Variants in KCTD1 observed in about 807,000 individuals in gnomAD.
KCTD1 encodes the protein potassium channel tetramerization domain containing 1, also known as BTB/POZ domain-containing protein KCTD1.
KCTD1 carries 24 observed loss-of-function variants against 66.0 expected under a neutral mutation model. The observed-to-expected ratio is 0.36, with a 90% CI of 0.26 to 0.51. The LOEUF (loss-of-function observed/expected upper bound fraction) is 0.51. Among genes scored for constraint, KCTD1 ranks in the 20% least tolerant of loss-of-function variants. The pLI is 0.95. For synonymous variants in KCTD1, 511 were observed against 517.2 expected, an observed-to-expected ratio of 0.99 and a Z score of 0.16; for missense variants, 943 against 1,205.2, an observed-to-expected ratio of 0.78 and a Z score of 3.22.
At chr18:26,543,678 G>A (rs536299516) in intron 1 of KCTD1, 1 of 152,292 alleles carries the variant, frequency 6.6e-6, no homozygotes, top group East Asian at 1.9e-4. Flanking sequence ...ATGTGTACCA[G>A]CCCCCAAAAT....
upstream of KCTD1, among the ~76,000 whole-genome samples, chr18:26,643,830 C>T (rs544431478): frequency 3.6e-3 from 554 of 152,196 alleles, 6 homozygotes; most frequent in African/African-American, 0.011. Context: ...GGCTTGGTGG[C>T]GGGTGCCTGT....
At chr18:26,585,393 T>C (rs2144932220) in intron 1 of KCTD1, among the ~76,000 whole-genome samples, 1 of 152,398 alleles carries the variant, frequency 6.6e-6, no homozygotes, top group South Asian at 2.1e-4. Context: ...TTGCAATACA[T>C]TCTAGAGTCA....
At chr18:26,481,297 T>G (rs1352744826) in intron 2 of KCTD1, among the ~76,000 whole-genome samples, 2 of 152,042 alleles carry the variant, frequency 1.3e-5, no homozygotes, top group Non-Finnish European at 2.9e-5. Context: ...CCTAACTCAA[T>G]CTGGGGTTGG....
chr18:26,529,312 T>C (rs1295669184), intron 1 of KCTD1, among the ~76,000 whole-genome samples: 4 of 152,162 alleles, frequency 2.6e-5, no homozygotes, highest in Non-Finnish European at 1.5e-5. Context: ...GCCTATAAGA[T>C]GAGGCTTGAA....
chr18:26,527,530 A>G (rs1466645843), intron 1 of KCTD1, among the ~76,000 whole-genome samples: 1 of 151,782 alleles, frequency 6.6e-6, no homozygotes, highest in Admixed American at 6.6e-5. Flanking sequence ...GGTGGAACAT[A>G]GAGGACTTTT....
chr18:26,481,954 A>G (rs149940005), intron 2 of KCTD1, among the ~76,000 whole-genome samples: 5 of 152,344 alleles, frequency 3.3e-5, no homozygotes, highest in East Asian at 3.9e-4. Context: ...GTCAACATCA[A>G]TTGAGACCCT....
At chr18:26,536,680 GTCTTC>G (rs543427551) in intron 1 of KCTD1, among the ~76,000 whole-genome samples, 188 of 152,256 alleles carry the variant, frequency 1.2e-3, no homozygotes, top group African/African-American at 4.3e-3. Context: ...TTTCTCCAGT[GTCTTC>G]TCTTAAATAT....
chr18:26,572,441 AG>A (rs149365132), intron 1 of KCTD1, among the ~76,000 whole-genome samples: 2,095 of 152,322 alleles, frequency 0.014, 53 homozygotes, highest in African/African-American at 0.048. Context: ...GAAAGTGAAA[AG>A]TCACAGGCAT....
At chr18:26,464,329 TC>T (rs923571247) in intron 3 of KCTD1, among the ~76,000 whole-genome samples, 22 of 152,302 alleles carry the variant, frequency 1.4e-4, no homozygotes, top group African/African-American at 5.3e-4. Context: ...ACTTCTCTCA[TC>T]CCATCTTCTC....
chr18:26,609,953 A>G (rs1987098233), intron 1 of KCTD1, among the ~76,000 whole-genome samples: 1 of 152,246 alleles, frequency 6.6e-6, no homozygotes, highest in Non-Finnish European at 1.5e-5. Flanking sequence ...GGATATTTGC[A>G]CTATACATAC....
At chr18:26,647,505 G>C (rs1396574000) in intron 1 of KCTD1, among the ~76,000 whole-genome samples, 2 of 93,482 alleles carry the variant, frequency 2.1e-5, no homozygotes, top group African/African-American at 3.8e-5. Flanking sequence ...GGGAAACAGA[G>C]TGAGACTCCA....
chr18:26,638,649 C>T (rs1047297233), intron 1 of KCTD1, among the ~76,000 whole-genome samples: 4 of 152,184 alleles, frequency 2.6e-5, no homozygotes, highest in South Asian at 2.1e-4. Flanking sequence ...GGGAAGTGCC[C>T]GGCAGGGCAG....
chr18:26,475,532 G>A (rs376735374), intron 3 of KCTD1, among the ~76,000 whole-genome samples: 2 of 152,156 alleles, frequency 1.3e-5, no homozygotes, highest in South Asian at 2.1e-4. Context: ...TATAGCTTAT[G>A]ATTGGCTCTT....
At chr18:26,514,149 C>G (rs1983505128) in intron 1 of KCTD1, among the ~76,000 whole-genome samples, 1 of 152,148 alleles carries the variant, frequency 6.6e-6, no homozygotes, top group Non-Finnish European at 1.5e-5. Flanking sequence ...AAATTTGTCT[C>G]AATGATATAA....
At chr18:26,518,362 G>A (rs1360418015) in intron 1 of KCTD1, among the ~76,000 whole-genome samples, 3 of 152,108 alleles carry the variant, frequency 2.0e-5, no homozygotes, top group Non-Finnish European at 2.9e-5. Flanking sequence ...TGCCTCCTGG[G>A]TTCAAGCGAT....
intron 1 of KCTD1, among the ~76,000 whole-genome samples, chr18:26,650,697 G>A (rs1457659312): frequency 1.3e-5 from 2 of 152,212 alleles, no homozygotes; most frequent in Non-Finnish European, 2.9e-5. Context: ...ATGGACCAAT[G>A]TAGCTTTTTC....
Position 26,547,128 on chromosome 18 carries a change from T to A in KCTD1, c.1409A>T (p.Lys470Met). 2 of 1,550,530 alleles carry A rather than the reference T, an allele frequency of 1.3e-6. No homozygotes were observed. The highest frequency in any genetic ancestry group is 1.7e-6 in the Non-Finnish European group (2 of 1,146,916). The change falls in exon 1 of 5, where the codon AAG (lysine) becomes ATG (methionine). Residue 470 changes from lysine (K) to methionine (M), a missense_variant. This residue lies in a region of KCTD1 where 79 missense variants were observed against 133.9 expected (regional missense o/e 0.59). Coordinates refer to ENST00000580059, the MANE Select transcript of KCTD1 (RefSeq NM_001142730.3). ...TLNSIAGIGT[K>M]LGSPAPQGCY... ...GCCCTGCGGGGCGGGCGAGCCCAGCTTGGTGCCAATGCCCGCGATGCTGTT... is the reference window on the plus strand; with the variant it reads ...GCCCTGCGGGGCGGGCGAGCCCAGCATGGTGCCAATGCCCGCGATGCTGTT...
At chr18:26,467,876 AG>A (rs1215210217) in intron 3 of KCTD1, among the ~76,000 whole-genome samples, 2 of 152,344 alleles carry the variant, frequency 1.3e-5, no homozygotes, top group African/African-American at 4.8e-5. Context: ...GAACATATCC[AG>A]GGCTAGGTAA....
chr18:26,627,904 T>C (rs1270395101), intron 1 of KCTD1, among the ~76,000 whole-genome samples: 2 of 152,142 alleles, frequency 1.3e-5, no homozygotes, highest in East Asian at 3.9e-4. Flanking sequence ...CTGTAGGAAC[T>C]TGGTGGTGGA....
Sources: allele counts gnomAD v4.1 joint callset (sites outside exome capture counted in the v4.1 genomes callset), GRCh38; gene constraint gnomAD v4.1.1; regional missense constraint gnomAD v4.1.1; transcripts MANE v1.5; gene names NCBI Gene and HGNC (gene_info 2026-07-23, HGNC 2026-07-21).